The following SSBP2 variants were observed in gnomAD, a reference collection of about 807,000 sequenced individuals.
The protein encoded by SSBP2 is single stranded DNA binding protein 2.
In SSBP2, 17 loss-of-function variants were observed where a neutral mutation model predicts 61.8. The ratio of observed to expected loss-of-function variants is 0.28; its 90% CI spans 0.19 to 0.41. The LOEUF is 0.41. SSBP2 is among the 10% of genes least tolerant of loss of function. The pLI is 1.00. For missense variants in SSBP2, 310 were observed against 458.7 expected (o/e 0.68, Z 2.96); for synonymous variants, 139 against 141.3 (o/e 0.98, Z 0.12).
chr5:81,693,219 AAAAAG>A (rs1216542199), intron 1 of SSBP2, among the ~76,000 whole-genome samples: 12 of 151,492 alleles, frequency 7.9e-5, no homozygotes, highest in Non-Finnish European at 1.6e-4. Flanking sequence ...AAAAAAAAAA[AAAAAG>A]AAAGAAAATA....
At chr5:81,623,668 A>G (rs995464095) in intron 3 of SSBP2, among the ~76,000 whole-genome samples, 2 of 152,048 alleles carry the variant, frequency 1.3e-5, no homozygotes, top group Non-Finnish European at 2.9e-5. Flanking sequence ...ACCTCACACA[A>G]TGGACTGGGG....
At chr5:81,482,845 C>T (rs1465580706) in intron 6 of SSBP2, among the ~76,000 whole-genome samples, 1 of 152,194 alleles carries the variant, frequency 6.6e-6, no homozygotes, top group Non-Finnish European at 1.5e-5. Flanking sequence ...AGAGGCCTAG[C>T]TTTTGGCTTA....
intron 10 of SSBP2, among the ~76,000 whole-genome samples, chr5:81,458,774 C>G (rs2153993740): frequency 1.3e-5 from 2 of 152,194 alleles, no homozygotes; most frequent in South Asian, 4.1e-4. Flanking sequence ...GGAAAAATAC[C>G]TCCTTAATAC....
At chr5:81,514,067 C>T (rs1248012906) in intron 4 of SSBP2, among the ~76,000 whole-genome samples, 1 of 151,990 alleles carries the variant, frequency 6.6e-6, no homozygotes, top group Non-Finnish European at 1.5e-5. Context: ...CAAAAACAAA[C>T]AGGTGAATAA....
At chr5:81,640,559 TTCA>T (rs1379707463) in intron 2 of SSBP2, among the ~76,000 whole-genome samples, 1 of 152,148 alleles carries the variant, frequency 6.6e-6, no homozygotes, top group Admixed American at 6.5e-5. Flanking sequence ...ATAATTTCAG[TTCA>T]TCGACATTTT....
At chr5:81,710,387 GT>G (rs1338263330) in intron 1 of SSBP2, among the ~76,000 whole-genome samples, 1 of 152,052 alleles carries the variant, frequency 6.6e-6, no homozygotes, top group Non-Finnish European at 1.5e-5. Flanking sequence ...AAAGAATCTT[GT>G]GATAAAGAGT....
intron 1 of SSBP2, among the ~76,000 whole-genome samples, chr5:81,666,661 C>T (rs755111638): frequency 3.6e-4 from 54 of 151,976 alleles, no homozygotes; most frequent in Non-Finnish European, 7.4e-4. Context: ...TAAAAATTTC[C>T]ATTCAATCTT....
intron 6 of SSBP2, among the ~76,000 whole-genome samples, chr5:81,481,634 AC>A (rs756938993): frequency 4.7e-5 from 7 of 150,078 alleles, no homozygotes; most frequent in Admixed American, 2.7e-4. Flanking sequence ...AAAAAAAAAA[AC>A]AAACTGAAAG....
At chr5:81,702,359 G>C (rs945811371) in intron 1 of SSBP2, among the ~76,000 whole-genome samples, 2 of 152,016 alleles carry the variant, frequency 1.3e-5, no homozygotes, top group Non-Finnish European at 2.9e-5. Flanking sequence ...AACAGAGCGA[G>C]ACTCCCATCT....
At chr5:81,421,274 C>A (rs1404819114) in intron 16 of SSBP2, among the ~76,000 whole-genome samples, 1 of 152,120 alleles carries the variant, frequency 6.6e-6, no homozygotes, top group Non-Finnish European at 1.5e-5. Context: ...TCACTGCAAC[C>A]CTGACCTTCC....
chr5:81,594,855 A>T (rs1743542169), intron 4 of SSBP2, among the ~76,000 whole-genome samples: 1 of 152,160 alleles, frequency 6.6e-6, no homozygotes, highest in Admixed American at 6.5e-5. Flanking sequence ...GTGTAGAGGG[A>T]AATTTATAGC....
chr5:81,542,905 A>T (rs982314848), intron 4 of SSBP2, among the ~76,000 whole-genome samples: 1 of 146,810 alleles, frequency 6.8e-6, no homozygotes, highest in Admixed American at 6.8e-5. Flanking sequence ...GCCAGGCTGG[A>T]GTGCACTGGC....
intron 1 of SSBP2, among the ~76,000 whole-genome samples, chr5:81,727,921 G>C (rs914272448): frequency 6.6e-6 from 1 of 152,158 alleles, no homozygotes; most frequent in Non-Finnish European, 1.5e-5. Context: ...CTTTAGAAAG[G>C]ATGGTCAGGG....
At chr5:81,628,939 CT>C (rs975125091) in intron 3 of SSBP2, among the ~76,000 whole-genome samples, 2 of 152,168 alleles carry the variant, frequency 1.3e-5, no homozygotes, top group Non-Finnish European at 2.9e-5. Context: ...TCTTCACCAA[CT>C]TTTCCCCCGA....
chr5:81,437,798 A>G (rs1199837308), intron 14 of SSBP2: 1 of 157,758 alleles, frequency 6.3e-6, no homozygotes, highest in African/African-American at 2.4e-5. Context: ...TATATAACAT[A>G]TATAGAGATA....
chr5:81,553,185 G>T (rs1772338039), intron 4 of SSBP2, among the ~76,000 whole-genome samples: 1 of 152,140 alleles, frequency 6.6e-6, no homozygotes, highest in Non-Finnish European at 1.5e-5. Flanking sequence ...GGATTGTAAG[G>T]TTAAGTAGAG....
At chr5:81,452,737 G>A (rs1220388193) in intron 10 of SSBP2, among the ~76,000 whole-genome samples, 1 of 152,056 alleles carries the variant, frequency 6.6e-6, no homozygotes, top group Non-Finnish European at 1.5e-5. Flanking sequence ...GCAGGTTTGG[G>A]GAAATGTCTG....
intron 15 of SSBP2, among the ~76,000 whole-genome samples, chr5:81,434,829 G>C (rs1214634834): frequency 2.6e-5 from 4 of 152,068 alleles, no homozygotes; most frequent in African/African-American, 4.8e-5. Context: ...AGAAATGTGG[G>C]AAAAGCGAGT....
chr5:81,454,636 G>A (rs1225827144), intron 10 of SSBP2, among the ~76,000 whole-genome samples: 1 of 151,862 alleles, frequency 6.6e-6, no homozygotes, highest in Admixed American at 6.6e-5. Context: ...AGCCGAGATT[G>A]TGCCACTGCA....
Sources: allele counts gnomAD v4.1 joint callset (sites outside exome capture counted in the v4.1 genomes callset), GRCh38; gene constraint gnomAD v4.1.1; transcripts MANE v1.5; gene names NCBI Gene and HGNC (gene_info 2026-07-23, HGNC 2026-07-21).